CNGA1: variants seen among roughly 807,000 people sequenced by gnomAD.
CNGA1 encodes the protein cyclic nucleotide gated channel subunit alpha 1.
CNGA1 carries 53 observed loss-of-function variants against 69.7 expected under a neutral mutation model. That is an observed-to-expected ratio of 0.76 (90% confidence interval 0.61 to 0.96). The LOEUF (loss-of-function observed/expected upper bound fraction) is 0.96. Among genes scored for constraint, CNGA1 ranks in the 40% least tolerant of loss-of-function variants. The pLI is 0.00. For synonymous variants in CNGA1, 249 were observed against 283.5 expected (o/e 0.88, Z 1.22); for missense variants, 739 against 811.2 (o/e 0.91, Z 1.08).
intron 2 of CNGA1, among the ~76,000 whole-genome samples, chr4:48,004,369 T>C (rs1714809735): frequency 6.6e-6 from 1 of 152,202 alleles, no homozygotes; most frequent in African/African-American, 2.4e-5. Context: ...CAGCTGTCTT[T>C]TTTTAATCTC....
intron 3 of CNGA1, among the ~76,000 whole-genome samples, chr4:47,965,181 C>G (rs1039167533): frequency 6.6e-6 from 1 of 151,960 alleles, no homozygotes; most frequent in African/African-American, 2.4e-5. Context: ...TATGAAAATG[C>G]CTCTTGATTT....
intron 3 of CNGA1, among the ~76,000 whole-genome samples, chr4:47,954,512 C>A (rs1337474452): frequency 6.6e-6 from 1 of 152,214 alleles, no homozygotes; most frequent in African/African-American, 2.4e-5. Context: ...GAGCCACACC[C>A]CTGCCGCACG....
intron 3 of CNGA1, among the ~76,000 whole-genome samples, chr4:47,960,811 T>C (rs1468426005): frequency 6.6e-6 from 1 of 152,156 alleles, no homozygotes; most frequent in Non-Finnish European, 1.5e-5. Flanking sequence ...AGAAGCCAGA[T>C]ATAAGAGTAT....
chr4:48,007,419 C>A (rs1195427889), intron 2 of CNGA1, among the ~76,000 whole-genome samples: 1 of 152,138 alleles, frequency 6.6e-6, no homozygotes, highest in African/African-American at 2.4e-5. Context: ...CCACAATAGT[C>A]CCTGGAATTT....
chr4:47,967,753 C>T (rs934114992), intron 3 of CNGA1, among the ~76,000 whole-genome samples: 2 of 152,032 alleles, frequency 1.3e-5, no homozygotes, highest in South Asian at 2.1e-4. Flanking sequence ...CCGAGGTGGG[C>T]GGATCACAAG....
chr4:47,956,295 C>T (rs1164857113), intron 3 of CNGA1, among the ~76,000 whole-genome samples: 1 of 152,172 alleles, frequency 6.6e-6, no homozygotes, highest in Non-Finnish European at 1.5e-5. Context: ...TTCCTGGTGC[C>T]AAAGGAAGGG....
chr4:47,977,165 G>A (rs6856816), intron 3 of CNGA1, among the ~76,000 whole-genome samples: 17,199 of 152,130 alleles, frequency 0.11, 1,548 homozygotes, highest in East Asian at 0.31. Context: ...GAATGTGACG[G>A]TTTTTGGAGA....
At position 47,992,657 on chromosome 4, in the gene CNGA1, ATTAT is replaced by A. The variant is rs144346141; in HGVS notation, c.-122-11161_-122-11158del. The stretch of plus-strand genomic sequence containing the variant: ...ATCTTTACTGATTTGGATGCCATTT[ATTAT>A]TTATTTATTTATTTATTTATTTATT... On this transcript the variant is annotated intron_variant, in intron 2 of 10. Transcript: ENST00000514170. Among the ~76,000 whole-genome samples the A allele has an allele frequency of 5.0e-3, 723 of 145,352 alleles. 4 individuals carry two copies. Among genetic ancestry groups the A allele is most frequent in the Middle Eastern group, 0.014 (4 of 288 alleles).
intron 3 of CNGA1, among the ~76,000 whole-genome samples, chr4:47,960,704 A>G (rs10938510): frequency 0.53 from 79,710 of 151,688 alleles, 22,425 homozygotes; most frequent in Non-Finnish European, 0.63. Flanking sequence ...GAATGGATAA[A>G]CAATCTGGTT....
chr4:47,957,602 A>C (rs191240481), intron 3 of CNGA1, among the ~76,000 whole-genome samples: 37 of 152,290 alleles, frequency 2.4e-4, no homozygotes, highest in Non-Finnish European at 4.3e-4. Flanking sequence ...CCTGGGTGAC[A>C]GAGAGTGACC....
intron 3 of CNGA1, among the ~76,000 whole-genome samples, chr4:47,958,454 A>G (rs1389465332): frequency 6.6e-6 from 1 of 152,004 alleles, no homozygotes; most frequent in Non-Finnish European, 1.5e-5. Flanking sequence ...GTGAAACTCC[A>G]TCTCTACAAA....
intron 10 of CNGA1, among the ~76,000 whole-genome samples, chr4:47,938,553 C>T (rs1738837054): frequency 6.6e-6 from 1 of 151,970 alleles, no homozygotes; most frequent in Non-Finnish European, 1.5e-5. Flanking sequence ...CCACCACGCC[C>T]AGCTAATTTT....
chr4:47,992,027 T>C (rs1742292482), intron 2 of CNGA1, among the ~76,000 whole-genome samples: 1 of 152,180 alleles, frequency 6.6e-6, no homozygotes, highest in Admixed American at 6.5e-5. Context: ...TTGGTCTATG[T>C]GCCTATTTTT....
intron 2 of CNGA1, among the ~76,000 whole-genome samples, chr4:47,983,094 G>C (rs1275343361): frequency 1.3e-5 from 2 of 152,124 alleles, no homozygotes; most frequent in Admixed American, 1.3e-4. Context: ...GTGAGCCACT[G>C]AGCCCAGCCT....
chr4:48,013,926 C>T lies in CNGA1; in HGVS notation c.-223+2557G>A, dbSNP rs935669319. ...ACAATGTAGCAACTCAGGGGTTAAC[C>T]TTGACACACCAGGAACCCTCCCAGA... On this transcript the variant is annotated intron_variant, in intron 1 of 10. Transcript: ENST00000514170. Among the ~76,000 whole-genome samples, 3 of 152,142 alleles carry T rather than the reference C, an allele frequency of 2.0e-5. No homozygotes were observed. The East Asian group carries it at 5.8e-4, about 29-fold the overall frequency.
intron 3 of CNGA1, among the ~76,000 whole-genome samples, chr4:47,969,230 C>T (rs1740884594): frequency 6.6e-6 from 1 of 151,976 alleles, no homozygotes; most frequent in South Asian, 2.1e-4. Context: ...ACTTCCATCT[C>T]CCACCCCCAG....
intron 2 of CNGA1, among the ~76,000 whole-genome samples, chr4:47,993,356 A>G (rs1359919883): frequency 6.6e-6 from 1 of 151,976 alleles, no homozygotes; most frequent in African/African-American, 2.4e-5. Flanking sequence ...TACCATTTCA[A>G]TCTCACTGCT....
chr4:48,009,411 G>A (rs1715051602), intron 2 of CNGA1, among the ~76,000 whole-genome samples: 1 of 148,686 alleles, frequency 6.7e-6, no homozygotes, highest in Non-Finnish European at 1.5e-5. Context: ...GTTGCAGTGA[G>A]CTGATATCAT....
chr4:47,994,084 T>G (rs1471841206), intron 2 of CNGA1, among the ~76,000 whole-genome samples: 2 of 152,176 alleles, frequency 1.3e-5, no homozygotes, highest in African/African-American at 4.8e-5. Flanking sequence ...GAGGCTCATT[T>G]TGTGGCCTAT....
Sources: gnomAD v4.1 joint callset for allele counts (sites outside exome capture counted in the v4.1 genomes callset) on GRCh38, gnomAD v4.1.1 for gene constraint, MANE v1.5 for transcripts, NCBI Gene and HGNC (gene_info 2026-07-23, HGNC 2026-07-21) for gene names.